The following TNIK variants were observed in gnomAD, a reference collection of about 807,000 sequenced individuals.
The protein encoded by TNIK is TRAF2 and NCK-interacting protein kinase.
TNIK carries 49 observed loss-of-function variants against 191.3 expected under a neutral mutation model. The observed-to-expected ratio is 0.26, with a 90% CI of 0.20 to 0.32. The LOEUF is 0.32. Ranked by LOEUF, TNIK falls within the 10% of genes least tolerant of loss-of-function variation. The probability of loss-of-function intolerance (pLI) is 1.00; values close to 1 mark genes in which losing one functional copy is unlikely to be tolerated. For missense variants in TNIK, 1,155 were observed against 1,702.3 expected (o/e 0.68, Z 5.66); for synonymous variants, 594 against 600.9 (o/e 0.99, Z 0.17).
chr3:171,271,951 C>T (rs528426757), intron 2 of TNIK, among the ~76,000 whole-genome samples: 1 of 152,286 alleles, frequency 6.6e-6, no homozygotes, highest in Admixed American at 6.5e-5. Context: ...GCTTTATGTG[C>T]TTTCCTTGAC....
chr3:171,127,993 T>C (rs546743079), intron 16 of TNIK, among the ~76,000 whole-genome samples: 20 of 152,356 alleles, frequency 1.3e-4, no homozygotes, highest in African/African-American at 4.8e-4. Flanking sequence ...TTGGCATATA[T>C]AACTTAAAAG....
intron 15 of TNIK, among the ~76,000 whole-genome samples, chr3:171,137,971 A>G (rs1321092360): frequency 7.3e-6 from 1 of 136,156 alleles, no homozygotes; most frequent in Non-Finnish European, 1.6e-5. Context: ...AGATATACAA[A>G]AAAAAAAAAA....
chr3:171,164,306 C>A (rs1734352174), intron 10 of TNIK, among the ~76,000 whole-genome samples: 1 of 152,208 alleles, frequency 6.6e-6, no homozygotes, highest in African/African-American at 2.4e-5. Context: ...GCTTCAATCA[C>A]TCTTATTTAT....
chr3:171,448,658 G>A (rs948249294), intron 1 of TNIK, among the ~76,000 whole-genome samples: 1 of 147,654 alleles, frequency 6.8e-6, no homozygotes, highest in Non-Finnish European at 1.5e-5. Context: ...TGGTAACTCT[G>A]TATTTAGCAT....
At chr3:171,108,318 T>C (rs774354558) in intron 19 of TNIK, among the ~76,000 whole-genome samples, 156 bp from the exon 20 acceptor site, 22 of 151,948 alleles carry the variant, frequency 1.4e-4, no homozygotes, top group Non-Finnish European at 3.2e-4. Flanking sequence ...CCATGAAAAA[T>C]ATAATGTTCA....
chr3:171,358,230 G>A (rs1333988228), intron 2 of TNIK, among the ~76,000 whole-genome samples: 4 of 152,140 alleles, frequency 2.6e-5, no homozygotes, highest in African/African-American at 7.2e-5. Flanking sequence ...AAATGTATTA[G>A]TCTGTTTTTG....
At chr3:171,428,428 T>C (rs1461562102) in intron 1 of TNIK, among the ~76,000 whole-genome samples, 1 of 152,102 alleles carries the variant, frequency 6.6e-6, no homozygotes, top group Non-Finnish European at 1.5e-5. Flanking sequence ...TGCAGGGTCA[T>C]AGCTTTATCT....
At chr3:171,176,135 C>A (rs781178432) in intron 8 of TNIK, among the ~76,000 whole-genome samples, 5 of 152,170 alleles carry the variant, frequency 3.3e-5, no homozygotes, top group African/African-American at 7.2e-5. Context: ...CCAAAGGATT[C>A]TGTGGGCAGA....
chr3:171,158,592 A>C (rs952821608), intron 11 of TNIK, among the ~76,000 whole-genome samples: 1 of 152,200 alleles, frequency 6.6e-6, no homozygotes, highest in African/African-American at 2.4e-5. Context: ...TTTGAAATAA[A>C]TCTATTAAAC....
At chr3:171,249,410 T>C (rs1193017650) in intron 2 of TNIK, among the ~76,000 whole-genome samples, 1 of 152,206 alleles carries the variant, frequency 6.6e-6, no homozygotes, top group Non-Finnish European at 1.5e-5. Context: ...TAAGAATCAC[T>C]CAGGCTCTCC....
intron 2 of TNIK, among the ~76,000 whole-genome samples, chr3:171,303,043 C>T (rs1021708321): frequency 6.6e-5 from 10 of 152,118 alleles, no homozygotes; most frequent in African/African-American, 1.9e-4. Context: ...AACAAAATTG[C>T]TTATAACAAA....
At chr3:171,134,420 A>C (rs1729696814) in intron 15 of TNIK, among the ~76,000 whole-genome samples, 1 of 152,170 alleles carries the variant, frequency 6.6e-6, no homozygotes, top group Admixed American at 6.5e-5. Flanking sequence ...AGCTGGGACC[A>C]TAGGCATGCA....
intron 6 of TNIK, among the ~76,000 whole-genome samples, chr3:171,189,884 G>T (rs1737819277): frequency 1.3e-5 from 2 of 151,990 alleles, no homozygotes. Flanking sequence ...GAGAAAGTTT[G>T]GTCCCAAATG....
At chr3:171,299,005 C>T (rs73171586) in intron 2 of TNIK, among the ~76,000 whole-genome samples, 6,087 of 152,162 alleles carry the variant, frequency 0.04, 155 homozygotes, top group Middle Eastern at 0.062. Context: ...CACAGTCTGA[C>T]CGAAGTCTTG....
chr3:171,369,289 A>G (rs1716167402), intron 2 of TNIK, among the ~76,000 whole-genome samples: 1 of 152,188 alleles, frequency 6.6e-6, no homozygotes. Flanking sequence ...TCTGAAGTAG[A>G]TGGCATTCTT....
chr3:171,213,083 T>C (rs1193322173), intron 3 of TNIK, among the ~76,000 whole-genome samples: 2 of 152,070 alleles, frequency 1.3e-5, no homozygotes, highest in Non-Finnish European at 2.9e-5. Flanking sequence ...CCACCTATTC[T>C]TCTTAGCAGC....
chr3:171,299,073 C>T (rs1752620839), intron 2 of TNIK, among the ~76,000 whole-genome samples: 2 of 152,166 alleles, frequency 1.3e-5, no homozygotes, highest in African/African-American at 4.8e-5. Context: ...TTGTGGGGAG[C>T]TCCTGTGAGG....
intron 9 of TNIK, among the ~76,000 whole-genome samples, chr3:171,167,814 G>A (rs746667363): frequency 2.2e-4 from 34 of 152,190 alleles, no homozygotes; most frequent in African/African-American, 4.1e-4. Context: ...AGTGCATTTC[G>A]TAGAAATGAG....
At chr3:171,265,031 C>A (rs746110287) in intron 2 of TNIK, among the ~76,000 whole-genome samples, 4 of 152,162 alleles carry the variant, frequency 2.6e-5, no homozygotes, top group Non-Finnish European at 5.9e-5. Context: ...AGAAGTTCCA[C>A]GTGGCATGGC....
Sources: gnomAD v4.1 joint callset for allele counts (sites outside exome capture counted in the v4.1 genomes callset) on GRCh38, gnomAD v4.1.1 for gene constraint, MANE v1.5 for transcripts, NCBI Gene and HGNC (gene_info 2026-07-23, HGNC 2026-07-21) for gene names.